Variants in CATSPERT observed in about 807,000 individuals in gnomAD.
CATSPERT encodes catsper channel auxiliary subunit tau, also known as cation channel sperm-associated targeting subunit tau.
chr2:201,609,908 T>C, the CATSPERT span, among the ~76,000 whole-genome samples: 2 of 152,250 alleles, frequency 1.3e-5, no homozygotes, highest in Admixed American at 6.5e-5. Context: ...AATTTGGCTT[T>C]TGACCTTACT....
At chr2:201,591,147 G>A in the CATSPERT span, among the ~76,000 whole-genome samples, 106 of 152,128 alleles carry the variant, frequency 7.0e-4, no homozygotes, top group Admixed American at 6.0e-3. Context: ...AATCCATCTT[G>A]AATTGATTTT....
the CATSPERT span, among the ~76,000 whole-genome samples, chr2:201,591,153 A>G: frequency 1.3e-5 from 2 of 152,186 alleles, no homozygotes; most frequent in Admixed American, 1.3e-4. Context: ...TCTTGAATTG[A>G]TTTTTGTATA....
At chr2:201,597,772 G>A in the CATSPERT span, among the ~76,000 whole-genome samples, 1 of 152,056 alleles carries the variant, frequency 6.6e-6, no homozygotes, top group Non-Finnish European at 1.5e-5. Context: ...ATTCCAGCAT[G>A]GCCAGAACCA....
At chr2:201,524,509 CA>C in the CATSPERT span, among the ~76,000 whole-genome samples, 2 of 151,916 alleles carry the variant, frequency 1.3e-5, no homozygotes, top group Non-Finnish European at 2.9e-5. Flanking sequence ...CACTAGTCAC[CA>C]AAAAAACATA....
chr2:201,553,403 G>C, the CATSPERT span: 2 of 152,104 alleles, frequency 1.3e-5, no homozygotes, highest in Admixed American at 1.3e-4. Context: ...ATCTGTGATG[G>C]TGTAAATGAC....
chr2:201,508,265 T>A, the CATSPERT span, among the ~76,000 whole-genome samples: 1 of 152,162 alleles, frequency 6.6e-6, no homozygotes, highest in Non-Finnish European at 1.5e-5. Context: ...TATGACATAG[T>A]CAAAGGGTGC....
chr2:201,492,119 C>T, the CATSPERT span: 1 of 1,526,530 alleles, frequency 6.6e-7, no homozygotes, highest in Non-Finnish European at 8.7e-7. Flanking sequence ...CGAATCAATT[C>T]TGCTTCTCTA....
At chr2:201,597,709 T>C in the CATSPERT span, among the ~76,000 whole-genome samples, 7 of 152,210 alleles carry the variant, frequency 4.6e-5, no homozygotes, top group East Asian at 3.9e-4. Flanking sequence ...TTCCTTCATG[T>C]AGTTTTCTGT....
At chr2:201,556,964 A>G in the CATSPERT span, 1 of 152,166 alleles carries the variant, frequency 6.6e-6, no homozygotes, top group Non-Finnish European at 1.5e-5. Flanking sequence ...TTACCAACAC[A>G]TATAAAGATA....
chr2:201,539,832 G>T, the CATSPERT span, among the ~76,000 whole-genome samples: 5 of 152,060 alleles, frequency 3.3e-5, no homozygotes, highest in Non-Finnish European at 7.4e-5. Flanking sequence ...TAAATCAAAA[G>T]CTAGAAATGA....
the CATSPERT span, among the ~76,000 whole-genome samples, chr2:201,571,461 T>C: frequency 6.6e-6 from 1 of 152,220 alleles, no homozygotes; most frequent in African/African-American, 2.4e-5. Flanking sequence ...TTAAGTTACT[T>C]TTGGTTTGCT....
At chr2:201,582,015 T>C in the CATSPERT span, 7 of 1,506,110 alleles carry the variant, frequency 4.6e-6, no homozygotes, top group Non-Finnish European at 6.2e-6. Flanking sequence ...AAAAAGCCCA[T>C]CAAGTATAAT....
At chr2:201,580,659 C>T in the CATSPERT span, among the ~76,000 whole-genome samples, 109 of 152,242 alleles carry the variant, frequency 7.2e-4, 1 homozygote, top group African/African-American at 2.6e-3. Context: ...GTTGACATAA[C>T]CCCATTAGTC....
chr2:201,492,657 C>T, the CATSPERT span: 4 of 1,530,576 alleles, frequency 2.6e-6, no homozygotes, highest in Admixed American at 6.0e-5. Flanking sequence ...AAAAAGATCT[C>T]AGCTTTATTT....
the CATSPERT span, chr2:201,557,412 G>C: frequency 1.3e-5 from 2 of 152,156 alleles, no homozygotes; most frequent in South Asian, 4.1e-4. Flanking sequence ...GGAGATATCA[G>C]ATTTCTATTA....
the CATSPERT span, among the ~76,000 whole-genome samples, chr2:201,590,512 G>C: frequency 1.3e-5 from 2 of 151,776 alleles, no homozygotes; most frequent in African/African-American, 4.8e-5. Flanking sequence ...GTAATGGGAT[G>C]GCTGGGTCAA....
the CATSPERT span, among the ~76,000 whole-genome samples, chr2:201,539,551 AACGAGGTTGTTT>A: frequency 4.7e-5 from 1 of 21,316 alleles, no homozygotes; most frequent in Non-Finnish European, 1.1e-4. Flanking sequence ...CCCACTTTTT[AACGAGGTTGTTT>A]TTTTTTTGTT....
the CATSPERT span, among the ~76,000 whole-genome samples, chr2:201,589,922 C>T: frequency 6.6e-6 from 1 of 152,034 alleles, no homozygotes; most frequent in East Asian, 1.9e-4. Flanking sequence ...AAAAAACAAA[C>T]AACCCCATTA....
the CATSPERT span, chr2:201,492,418 G>A: frequency 6.5e-7 from 1 of 1,532,056 alleles, no homozygotes. Context: ...TTCTGATAAA[G>A]CTATCAGATA....
Sources: gnomAD v4.1 joint callset for allele counts (sites outside exome capture counted in the v4.1 genomes callset) on GRCh38, gnomAD v4.1.1 for gene constraint, MANE v1.5 for transcripts, NCBI Gene and HGNC (gene_info 2026-07-23, HGNC 2026-07-21) for gene names.